Variants in ASPH observed in about 807,000 individuals in gnomAD.
ASPH encodes the protein aspartate beta-hydroxylase, also known as aspartyl/asparaginyl beta-hydroxylase.
Under a neutral mutation model 118.4 loss-of-function variants are expected in ASPH, and 100 were observed. That is an observed-to-expected ratio of 0.84 (90% CI 0.72 to 1.00). The LOEUF is 1.00. ASPH is among the 50% of genes least tolerant of loss of function. The probability of loss-of-function intolerance (pLI) is 0.00; values close to 1 mark genes in which losing one functional copy is unlikely to be tolerated. For synonymous variants in ASPH, 315 were observed against 325.6 expected (o/e 0.97, Z 0.35); for missense variants, 920 against 919.5 (o/e 1.00, Z -0.01).
At chr8:61,710,978 A>G (rs1837928701) in intron 1 of ASPH, among the ~76,000 whole-genome samples, 2 of 152,230 alleles carry the variant, frequency 1.3e-5, no homozygotes, top group South Asian at 4.1e-4. Context: ...GCCTAAACAA[A>G]AAGGCTGCTC....
rs1268875316 is a variant in ASPH, at chr8:61,502,676, C to G, written c.*683G>C. ...AATAGGATTTTGTCAATATCTCCACCACTAGCATAGTGAGAAGAGGATCTC... is the reference window on the plus strand; with the variant it reads ...AATAGGATTTTGTCAATATCTCCACGACTAGCATAGTGAGAAGAGGATCTC... On this transcript the variant is annotated 3_prime_UTR_variant, in exon 25 of 25. Transcript: ENST00000379454. 1 of 152,082 alleles carries G rather than the reference C, an allele frequency of 6.6e-6. No homozygotes were observed. The highest frequency in any genetic ancestry group is 2.4e-5 in the African/African-American group (1 of 41,398). 9.4% of individuals were successfully genotyped at this position (152,082 alleles called of 1,614,324 possible).
intron 24 of ASPH, among the ~76,000 whole-genome samples, chr8:61,511,696 A>G (rs985233471): frequency 6.6e-6 from 1 of 152,108 alleles, no homozygotes; most frequent in African/African-American, 2.4e-5. Flanking sequence ...CTCCACCTCC[A>G]TTATTCAAGT....
chr8:61,688,224 CATTTTCT>C (rs1831316924), intron 1 of ASPH, among the ~76,000 whole-genome samples: 2 of 152,148 alleles, frequency 1.3e-5, no homozygotes, highest in African/African-American at 4.8e-5. Flanking sequence ...GTCTTCATTT[CATTTTCT>C]GGCTTCATGT....
intron 1 of ASPH, among the ~76,000 whole-genome samples, chr8:61,706,820 T>TA (rs1267920707): frequency 1.3e-5 from 2 of 152,138 alleles, no homozygotes; most frequent in Non-Finnish European, 2.9e-5. Context: ...TGGAACAAAA[T>TA]AGAGCCCGAC....
intron 22 of ASPH, among the ~76,000 whole-genome samples, chr8:61,520,878 G>A (rs1812705554): frequency 6.6e-6 from 1 of 152,224 alleles, no homozygotes. Flanking sequence ...TGATGAATGG[G>A]TAACCAAATG....
chr8:61,604,750 CTATT>C (rs1241646690), intron 14 of ASPH, among the ~76,000 whole-genome samples: 1 of 152,142 alleles, frequency 6.6e-6, no homozygotes, highest in Non-Finnish European at 1.5e-5. Flanking sequence ...GGAATGAAAA[CTATT>C]TATACAGTAA....
chr8:61,714,545 C>A lies in ASPH; in HGVS notation c.-174G>T. The A allele has an allele frequency of 2.0e-6, 2 of 1,004,314 alleles. No individual in the cohort carries two copies. The highest frequency in any genetic ancestry group is 2.6e-6 in the Non-Finnish European group (2 of 769,974). The allele number at this position is 1,004,314 out of a possible 1,614,324, so 62.2% of individuals were successfully genotyped here. A position where few individuals can be genotyped will look rare whatever the true frequency, so the allele number is the denominator to read the frequency against. Reference sequence around the variant, plus strand: ...CTGCAGCACCTGGGAAGACTTCACCCGCCTGCCGGCTGCGCGCGCCCGGCC... The same window carrying A: ...CTGCAGCACCTGGGAAGACTTCACCAGCCTGCCGGCTGCGCGCGCCCGGCC... On this transcript the variant is annotated 5_prime_UTR_variant, in exon 1 of 25. Coordinates refer to ENST00000379454, the MANE Select transcript of ASPH (RefSeq NM_004318.4).
intron 14 of ASPH, among the ~76,000 whole-genome samples, chr8:61,615,676 T>C (rs1848775601): frequency 6.6e-6 from 1 of 152,208 alleles, no homozygotes; most frequent in Non-Finnish European, 1.5e-5. Flanking sequence ...GGCTATGGAA[T>C]ATGTGGGAAA....
At chr8:61,656,232 T>C (rs1813609655) in intron 3 of ASPH, 1 of 152,200 alleles carries the variant, frequency 6.6e-6, no homozygotes, top group African/African-American at 2.4e-5. Context: ...TCGGTTTCGA[T>C]GTTCCTGGGG....
intron 2 of ASPH, among the ~76,000 whole-genome samples, chr8:61,682,936 A>G (rs1286676579): frequency 6.6e-6 from 1 of 152,142 alleles, no homozygotes; most frequent in Non-Finnish European, 1.5e-5. Flanking sequence ...CATTATTCAC[A>G]ACAGCCAAAA....
At chr8:61,587,964 T>C (rs575985890) in intron 14 of ASPH, among the ~76,000 whole-genome samples, 1 of 152,202 alleles carries the variant, frequency 6.6e-6, no homozygotes, top group East Asian at 1.9e-4. Context: ...TTCTTACCCA[T>C]GGGTAAGAAA....
chr8:61,536,405 C>T (rs963561196), intron 21 of ASPH, among the ~76,000 whole-genome samples: 1 of 152,150 alleles, frequency 6.6e-6, no homozygotes, highest in Admixed American at 6.5e-5. Context: ...CCTATTTATT[C>T]TAAGCTTGCT....
chr8:61,549,417 G>A (rs1421425665), intron 20 of ASPH, among the ~76,000 whole-genome samples: 1 of 152,034 alleles, frequency 6.6e-6, no homozygotes, highest in African/African-American at 2.4e-5. Context: ...GGGGCTCCTG[G>A]CAACTTATTC....
chr8:61,608,198 C>T (rs2133806287), intron 14 of ASPH, among the ~76,000 whole-genome samples: 1 of 152,274 alleles, frequency 6.6e-6, no homozygotes, highest in Non-Finnish European at 1.5e-5. Flanking sequence ...GAAGTTTGAG[C>T]ATGTATAGAG....
chr8:61,596,902 AG>A (rs1212972684), intron 14 of ASPH, among the ~76,000 whole-genome samples: 1 of 152,238 alleles, frequency 6.6e-6, no homozygotes, highest in African/African-American at 2.4e-5. Flanking sequence ...TCTGATGAAA[AG>A]GAAATTATGA....
intron 16 of ASPH, among the ~76,000 whole-genome samples, chr8:61,574,855 CAAAT>C (rs1834607808): frequency 6.6e-6 from 1 of 152,172 alleles, no homozygotes; most frequent in African/African-American, 2.4e-5. Context: ...AACAAACAAA[CAAAT>C]AAACAAAACC....
intron 3 of ASPH, chr8:61,663,009 T>C (rs1817691240): frequency 1.0e-6 from 1 of 985,406 alleles, no homozygotes; most frequent in Non-Finnish European, 1.2e-6. Flanking sequence ...TTATAATTGT[T>C]TGCCCTTCTT....
At chr8:61,670,172 C>T (rs1281790893) in intron 3 of ASPH, among the ~76,000 whole-genome samples, 1 of 150,804 alleles carries the variant, frequency 6.6e-6, no homozygotes, top group Non-Finnish European at 1.5e-5. Context: ...AGTATACCAC[C>T]AAAAACAGTT....
rs1563690153 is a variant in ASPH, at chr8:61,714,411, C to T, written c.-40G>A. ...GGGCTGGTGAGGGCTGGCGGACCTCCTTCAGTGCGCGGGGGTACACACGCG... is the reference window on the plus strand; with the variant it reads ...GGGCTGGTGAGGGCTGGCGGACCTCTTTCAGTGCGCGGGGGTACACACGCG... On this transcript the variant is annotated 5_prime_UTR_variant, in exon 1 of 25. Coordinates refer to ENST00000379454, the MANE Select transcript of ASPH (RefSeq NM_004318.4). 7.0e-7 allele frequency: 1 copy of T among 1,428,956 alleles called. No individual in the cohort carries two copies. The highest frequency in any genetic ancestry group is 9.2e-7 in the Non-Finnish European group (1 of 1,087,190). The allele number at this position is 1,428,956 out of a possible 1,614,324, so 88.5% of individuals were successfully genotyped here.
Sources: gnomAD v4.1 joint callset for allele counts (sites outside exome capture counted in the v4.1 genomes callset) on GRCh38, gnomAD v4.1.1 for gene constraint, MANE v1.5 for transcripts, NCBI Gene and HGNC (gene_info 2026-07-23, HGNC 2026-07-21) for gene names.